DNAH5: variants seen among roughly 807,000 people sequenced by gnomAD.
DNAH5 encodes the protein axonemal beta dynein heavy chain 5.
DNAH5 carries 372 observed loss-of-function variants against 518.2 expected under a neutral mutation model. That is an observed-to-expected ratio of 0.72 (90% CI 0.66 to 0.78). The LOEUF (loss-of-function observed/expected upper bound fraction) is 0.78, where lower values mean the gene tolerates loss of function less well. Ranked by LOEUF, DNAH5 falls within the 30% of genes least tolerant of loss-of-function variation. DNAH5 has a pLI of 0.00. For synonymous variants in DNAH5, 2,039 were observed against 2,025.9 expected (o/e 1.01, Z -0.17); for missense variants, 5,523 against 5,687.0 (o/e 0.97, Z 0.93).
Position 13,886,119 on chromosome 5 carries a change from A to G in DNAH5, c.2588T>C (p.Val863Ala). The G allele has an allele frequency of 6.4e-7, 1 of 1,562,032 alleles. No individual in the cohort carries two copies. The highest frequency in any genetic ancestry group is 1.4e-5 in the African/African-American group (1 of 69,212). The change falls in exon 18 of 79, where the codon GTA (valine) becomes GCA (alanine). Residue 863 changes from valine to alanine, a missense_variant. Physicochemically the swap from Val to Ala is moderately conservative, Grantham distance 64. This residue lies in a region of DNAH5 where 5,121 missense variants were observed against 5,223.3 expected (regional missense o/e 0.98). Transcript: ENST00000265104. ...AAAATGTAGTATTTGTGCACCATTT[A>G]CACAAAGATCCTAACCAAAAAAAAA... is the stretch of plus-strand genomic sequence containing the variant. ...EFLQMTKDLC[V>A]NGAQILHFKS...
intron 49 of DNAH5, among the ~76,000 whole-genome samples, chr5:13,792,963 T>C (rs1393780742): frequency 6.6e-6 from 1 of 152,228 alleles, no homozygotes; most frequent in African/African-American, 2.4e-5. Flanking sequence ...CGGGTAGGCA[T>C]ATATGCTTAC....
Position 13,776,324 on chromosome 5 carries a change from T to C in DNAH5, c.9373+115A>G, listed in dbSNP as rs1006468747. ...GAGATTAAACCTCTGTGCCTTCCCA[T>C]GACATCCTGGAGCCTGCCTGGAGAT... On this transcript the variant is annotated intron_variant, in intron 55 of 78. Transcript: ENST00000265104. 16 of 1,392,460 alleles carry C rather than the reference T, an allele frequency of 1.1e-5. No individual in the cohort carries two copies. The South Asian group carries it at 1.7e-4, about 15-fold the overall frequency. The allele number at this position is 1,392,460 out of a possible 1,614,324, so 86.3% of individuals were successfully genotyped here. A position where few individuals can be genotyped will look rare whatever the true frequency, so the allele number is the denominator to read the frequency against.
chr5:13,819,476 T>C (rs1316808582), intron 41 of DNAH5, among the ~76,000 whole-genome samples: 2 of 152,106 alleles, frequency 1.3e-5, no homozygotes, highest in African/African-American at 4.8e-5. Context: ...GTACCAGTGT[T>C]GCATCAGTAG....
intron 59 of DNAH5, among the ~76,000 whole-genome samples, chr5:13,763,891 C>T (rs964022598): frequency 6.6e-6 from 1 of 152,184 alleles, no homozygotes; most frequent in Non-Finnish European, 1.5e-5. Context: ...AATCACTTGT[C>T]AGGATTCCAT....
At chr5:13,730,870 T>C (rs924158652) in intron 68 of DNAH5, among the ~76,000 whole-genome samples, 5 of 152,068 alleles carry the variant, frequency 3.3e-5, no homozygotes, top group African/African-American at 9.7e-5. Context: ...CTGGCTAATT[T>C]TGTATTTTTA....
Position 13,820,536 on chromosome 5 carries a change from C to T in DNAH5, c.6688-37G>A, listed in dbSNP as rs747212458. 2.5e-6 allele frequency: 4 copies of T among 1,611,144 alleles called. No individual in the cohort carries two copies. The East Asian group carries it at 8.9e-5, about 36-fold the overall frequency. ...AGAGAATCCCCACATTGAAACACAA[C>T]AATGATGGCCGGACACGGTGGCTCA... On this transcript the variant is annotated intron_variant, in intron 40 of 78. Coordinates refer to ENST00000265104, the MANE Select transcript of DNAH5 (RefSeq NM_001369.3).
chr5:13,931,143 G>C lies in DNAH5; in HGVS notation c.159C>G (p.Thr53=), dbSNP rs773322142. 3.1e-6 allele frequency: 5 copies of C among 1,613,980 alleles called. No homozygotes were observed. Among genetic ancestry groups the C allele is most frequent in the African/African-American group, 1.3e-5 (1 of 74,920 alleles). The change falls in exon 2 of 79, where the codon ACC becomes ACG. Residue 53 remains threonine (T), a synonymous_variant. Coordinates refer to ENST00000265104, the MANE Select transcript of DNAH5 (RefSeq NM_001369.3). ...IVASCLDLNK[T]EVEDAILEGN... ...CTTCAAGAATGGCATCCTCCACTTC[G>C]GTTTTGTTCAGGTCCAAACAGGAAG...
chr5:13,842,053 A>AG, intron 32 of DNAH5, 149 bp from the exon 33 acceptor site: 2 of 617,584 alleles, frequency 3.2e-6, no homozygotes, highest in East Asian at 5.6e-5. Flanking sequence ...AAAACAATAA[A>AG]AAAAAAAGCC....
At chr5:13,862,465 T>A (rs1768587714) in intron 29 of DNAH5, 83 bp downstream of exon 29, 1 of 1,324,502 alleles carries the variant, frequency 7.6e-7, no homozygotes, top group Admixed American at 1.7e-5. Context: ...TGAAGGCTAT[T>A]ATTGTAATGG....
chr5:13,707,686 A>T lies in DNAH5; in HGVS notation c.13338+437T>A, dbSNP rs935386552. ...TTCGACAGCATGTAGCAGAAACTTT[A>T]TTTTTTTTTTCCTTTTGGTGTGACT... is the stretch of plus-strand genomic sequence containing the variant. On this transcript the variant is annotated intron_variant, in intron 76 of 78. Coordinates refer to ENST00000265104, the MANE Select transcript of DNAH5 (RefSeq NM_001369.3). This position sits in a 1 kb window ranked among gnomAD's most constrained non-coding sequence, Gnocchi z 4.0. Among the ~76,000 whole-genome samples the T allele has an allele frequency of 1.3e-5, 2 of 148,586 alleles. No individual in the cohort carries two copies. Among genetic ancestry groups the T allele is most frequent in the Admixed American group, 6.7e-5 (1 of 14,886 alleles).
intron 1 of DNAH5, among the ~76,000 whole-genome samples, chr5:13,940,023 C>T (rs1322721843): frequency 6.6e-6 from 1 of 152,142 alleles, no homozygotes; most frequent in Admixed American, 6.6e-5. Flanking sequence ...TGCTGGAGTT[C>T]CCAAGGCCTC....
At position 13,770,963 on chromosome 5, in the gene DNAH5, T is replaced by C. The variant is rs756063580; in HGVS notation, c.9391A>G (p.Thr3131Ala). The C allele has an allele frequency of 1.2e-6, 2 of 1,613,356 alleles. No homozygotes were observed. The highest frequency in any genetic ancestry group is 2.2e-5 in the East Asian group (1 of 44,864). ...AAACTGCAGTCAATATCATAGGAAGTGAGGAAGTGTTCAGACACTAGAGAG... is the reference window on the plus strand; with the variant it reads ...AAACTGCAGTCAATATCATAGGAAGCGAGGAAGTGTTCAGACACTAGAGAG... ...ALVAVSEHFL[T>A]SYDIDCSLEI... The change falls in exon 56 of 79, where the codon ACT (threonine) becomes GCT (alanine). Residue 3131 changes from threonine to alanine, a missense_variant. Physicochemically the swap from Thr to Ala is moderately conservative, Grantham distance 58. This residue lies in a region of DNAH5 where 5,121 missense variants were observed against 5,223.3 expected (regional missense o/e 0.98). Transcript: ENST00000265104.
In DNAH5 at chr5:13,794,063, G is replaced by GA. The variant is rs745582136; in HGVS notation, c.7888-6dup. 2.6e-4 allele frequency: 417 copies of GA among 1,607,464 alleles called. 1 individual carries two copies. In the African/African-American group the frequency reaches 4.5e-3, roughly 17 times the overall value. ...CACATAGCTCTCTATCGTCCTCTGT[G>GA]AAAAAAAAATCAACTGAAACATCTG... On this transcript the variant is annotated splice_polypyrimidine_tract_variant and splice_region_variant and intron_variant, in intron 47 of 78. Transcript: ENST00000265104.
rs375817990 is a variant in DNAH5, at chr5:13,770,816, A to G, written c.9538T>C (p.Ser3180Pro). Residue 3180 changes from serine to proline, a missense_variant, in exon 56 of 79, where the codon TCC becomes CCC. Physicochemically the swap from Ser to Pro is moderately conservative, Grantham distance 74 (BLOSUM62 -1). This residue lies in a region of DNAH5 where 5,121 missense variants were observed against 5,223.3 expected (regional missense o/e 0.98). Transcript: ENST00000265104. The stretch of plus-strand genomic sequence containing the variant: ...ATGAACTTATAGCCCTGAATAAAGG[A>G]GAGGTATGATTTGGGCGTCACGTGG... ...STHVTPKSYLSFIQGYKFIYG... is the reference protein window; with the variant it reads ...STHVTPKSYLPFIQGYKFIYG... 1 of 1,614,100 alleles carries G rather than the reference A, an allele frequency of 6.2e-7. No individual in the cohort carries two copies. The highest frequency in any genetic ancestry group is 1.3e-5 in the African/African-American group (1 of 75,042).
chr5:13,719,258 T>C (rs888342810), intron 71 of DNAH5, among the ~76,000 whole-genome samples, 157 bp from the exon 72 acceptor site: 10 of 152,246 alleles, frequency 6.6e-5, no homozygotes, highest in South Asian at 4.1e-4. Context: ...AAATGTTTAA[T>C]TGCGATAAGC....
chr5:13,744,018 G>A (rs1210168700), intron 65 of DNAH5, among the ~76,000 whole-genome samples: 1 of 152,084 alleles, frequency 6.6e-6, no homozygotes, highest in South Asian at 2.1e-4. Flanking sequence ...TGTATCGAAG[G>A]CATGTCTGCA....
chr5:13,920,464 G>C lies in DNAH5; in HGVS notation c.798+16C>G, dbSNP rs758165137. 12 of 1,613,860 alleles carry C rather than the reference G, an allele frequency of 7.4e-6. No individual in the cohort carries two copies. In the Admixed American group the frequency reaches 1.3e-4, roughly 18 times the overall value. ...AATGTGGCACCTGAAATTGATGTTT[G>C]GTTTCTCAAAATTACCTGTTCTGTC... On this transcript the variant is annotated intron_variant, in intron 6 of 78. Coordinates refer to ENST00000265104, the MANE Select transcript of DNAH5 (RefSeq NM_001369.3).
At chr5:13,980,032 G>A (rs1004472634) in intron 1 of DNAH5, among the ~76,000 whole-genome samples, 5 of 151,974 alleles carry the variant, frequency 3.3e-5, no homozygotes, top group African/African-American at 1.2e-4. Flanking sequence ...TAGAGATAGG[G>A]TTTCACCATG....
intron 1 of DNAH5, among the ~76,000 whole-genome samples, chr5:13,933,603 C>CA (rs1486059859): frequency 6.6e-6 from 1 of 151,886 alleles, no homozygotes; most frequent in Non-Finnish European, 1.5e-5. Flanking sequence ...CCAGCCTGGC[C>CA]AACGTGCCAA....
Sources: gnomAD v4.1 joint callset for allele counts (sites outside exome capture counted in the v4.1 genomes callset) on GRCh38, gnomAD v4.1.1 for gene constraint, gnomAD v4.1.1 regional missense constraint, Gnocchi (gnomAD v3.1) non-coding constraint, MANE v1.5 for transcripts, NCBI Gene and HGNC (gene_info 2026-07-23, HGNC 2026-07-21) for gene names.